The following ANKS1B variants were observed in gnomAD, a reference collection of about 807,000 sequenced individuals.
ANKS1B encodes the protein ankyrin repeat and sterile alpha motif domain containing 1B.
Under a neutral mutation model 148.3 loss-of-function variants are expected in ANKS1B, and 36 were observed. That is an observed-to-expected ratio of 0.24 (90% CI 0.19 to 0.32). ANKS1B has a LOEUF of 0.32. ANKS1B is among the 10% of genes least tolerant of loss of function. The probability of loss-of-function intolerance (pLI) is 1.00; values close to 1 mark genes in which losing one functional copy is unlikely to be tolerated. For synonymous variants in ANKS1B, 542 were observed against 560.8 expected (o/e 0.97, Z 0.47); for missense variants, 1,157 against 1,542.6 (o/e 0.75, Z 4.19).
At chr12:99,545,964 T>G (rs1374083115) in intron 9 of ANKS1B, among the ~76,000 whole-genome samples, 1 of 152,032 alleles carries the variant, frequency 6.6e-6, no homozygotes, top group Non-Finnish European at 1.5e-5. Context: ...TCTCCTCCGT[T>G]GGAGAAGAAC....
In ANKS1B at chr12:99,950,730, A is replaced by AC. The variant is rs577560759; in HGVS notation, c.134+33373dup. ...ATTTTTATTTGTTCCCCTCAAAACC[A>AC]CCCCCCCCAATAACCCTCCATCCTT... On this transcript the variant is annotated intron_variant, in intron 1 of 26. Coordinates refer to ENST00000683438, the MANE Select transcript of ANKS1B (RefSeq NM_001352186.2). Among the ~76,000 whole-genome samples, 471 of 149,082 alleles carry AC rather than the reference A, an allele frequency of 3.2e-3. 1 individual carries two copies. The highest frequency in any genetic ancestry group is 8.8e-3 in the African/African-American group (356 of 40,414).
chr12:99,406,493 C>A (rs1182626907), intron 11 of ANKS1B, among the ~76,000 whole-genome samples: 2 of 144,900 alleles, frequency 1.4e-5, no homozygotes, highest in East Asian at 3.9e-4. Context: ...AATGAAAAGA[C>A]AACATAGCAA....
rs150228364 is a variant in ANKS1B at position 99,962,074 on chromosome 12, G to GT, written c.134+22029dup. Among the ~76,000 whole-genome samples the GT allele has an allele frequency of 1.9e-3, 285 of 151,488 alleles. 8 individuals are homozygous for GT. The East Asian group carries it at 0.04, about 21-fold the overall frequency. Reference sequence around the variant, plus strand: ...TTTTTAAATCCAGGCTGGTTTAGTTGTTTTTTTTTAATTTTACTTTAAGTT... The same window carrying GT: ...TTTTTAAATCCAGGCTGGTTTAGTTGTTTTTTTTTTAATTTTACTTTAAGTT... On this transcript the variant is annotated intron_variant, in intron 1 of 26. Transcript: ENST00000683438.
At chr12:99,449,544 A>G (rs1465329786) in intron 10 of ANKS1B, among the ~76,000 whole-genome samples, 1 of 152,154 alleles carries the variant, frequency 6.6e-6, no homozygotes, top group Non-Finnish European at 1.5e-5. Flanking sequence ...ACCATCTTCT[A>G]TCATTTACGT....
chr12:99,575,485 G>C (rs1263283461), intron 9 of ANKS1B, among the ~76,000 whole-genome samples: 2 of 152,078 alleles, frequency 1.3e-5, no homozygotes, highest in Non-Finnish European at 2.9e-5. Context: ...ATAAAGGAAA[G>C]AGGTTTAATT....
chr12:99,300,834 T>G (rs562757438), intron 12 of ANKS1B, among the ~76,000 whole-genome samples: 58 of 152,316 alleles, frequency 3.8e-4, no homozygotes, highest in Middle Eastern at 3.4e-3. Context: ...ATGTAAAGGC[T>G]AGAAAAAAAT....
chr12:99,675,995 C>T (rs1363744977), intron 8 of ANKS1B, among the ~76,000 whole-genome samples: 1 of 152,078 alleles, frequency 6.6e-6, no homozygotes, highest in Non-Finnish European at 1.5e-5. Context: ...TACCTGTAAT[C>T]CCCACATGTC....
intron 9 of ANKS1B, among the ~76,000 whole-genome samples, chr12:99,537,954 T>C (rs535408650): frequency 9.9e-5 from 15 of 152,126 alleles, no homozygotes; most frequent in Non-Finnish European, 1.9e-4. Context: ...AATAGGGGTC[T>C]TGTTTCATTA....
At chr12:99,154,591 A>G (rs558844318) in intron 14 of ANKS1B, 196 bp from the exon 15 acceptor site, 1 of 1,484,878 alleles carries the variant, frequency 6.7e-7, no homozygotes, top group African/African-American at 1.4e-5. Context: ...TTTGCCAGGC[A>G]GGCTGTGGAG....
intron 10 of ANKS1B, among the ~76,000 whole-genome samples, chr12:99,481,174 C>T (rs2096404509): frequency 2.0e-5 from 3 of 151,262 alleles, no homozygotes; most frequent in African/African-American, 7.3e-5. Flanking sequence ...TTTTTTTATC[C>T]CTAGCTACCC....
At chr12:99,857,585 A>G (rs547868359) in intron 1 of ANKS1B, among the ~76,000 whole-genome samples, 1 of 152,082 alleles carries the variant, frequency 6.6e-6, no homozygotes, top group East Asian at 1.9e-4. Context: ...CCAAAGCAGG[A>G]CTAAGCAAAA....
chr12:99,183,032 T>C (rs1454849068), intron 14 of ANKS1B, among the ~76,000 whole-genome samples: 1 of 152,226 alleles, frequency 6.6e-6, no homozygotes, highest in African/African-American at 2.4e-5. Flanking sequence ...CCTGTAGAGT[T>C]GTTTGAGGTC....
At chr12:99,092,035 T>C (rs1599788557) in intron 15 of ANKS1B, among the ~76,000 whole-genome samples, 1 of 152,314 alleles carries the variant, frequency 6.6e-6, no homozygotes, top group Non-Finnish European at 1.5e-5. Flanking sequence ...ATGAACCCTC[T>C]CTATGGAAGA....
intron 12 of ANKS1B, among the ~76,000 whole-genome samples, chr12:99,389,300 CA>C (rs1450452005): frequency 6.6e-6 from 1 of 152,192 alleles, no homozygotes; most frequent in Non-Finnish European, 1.5e-5. Context: ...GGCACCCACC[CA>C]ACATAGACAA....
At chr12:99,921,854 T>G (rs11836535) in intron 1 of ANKS1B, among the ~76,000 whole-genome samples, 9 of 151,968 alleles carry the variant, frequency 5.9e-5, no homozygotes, top group Non-Finnish European at 8.8e-5. Context: ...TATAAAAATA[T>G]GAAAAATATA....
chr12:98,858,242 G>C (rs1031059929), intron 17 of ANKS1B, among the ~76,000 whole-genome samples: 3 of 152,210 alleles, frequency 2.0e-5, no homozygotes, highest in African/African-American at 4.8e-5. Flanking sequence ...CTGAAAAAGA[G>C]AGCTCTTGAG....
chr12:99,458,440 G>GAA (rs147575113), intron 10 of ANKS1B, among the ~76,000 whole-genome samples: 17 of 133,832 alleles, frequency 1.3e-4, no homozygotes, highest in Non-Finnish European at 2.0e-4. Context: ...AAATGAAATT[G>GAA]AAAAAAAAAA....
chr12:98,831,811 C>T (rs879535241), intron 18 of ANKS1B: 11 of 554,408 alleles, frequency 2.0e-5, no homozygotes, highest in African/African-American at 3.8e-5. Flanking sequence ...TGCAGTGGTG[C>T]GATCTCTGCT....
chr12:99,851,513 A>C (rs1421131875), intron 1 of ANKS1B, among the ~76,000 whole-genome samples: 1 of 152,142 alleles, frequency 6.6e-6, no homozygotes, highest in Non-Finnish European at 1.5e-5. Flanking sequence ...AAATCTAAAT[A>C]AGAAATTGCT....
Sources: allele counts gnomAD v4.1 joint callset (sites outside exome capture counted in the v4.1 genomes callset), GRCh38; gene constraint gnomAD v4.1.1; transcripts MANE v1.5; gene names NCBI Gene and HGNC (gene_info 2026-07-23, HGNC 2026-07-21).